The following NRP1 variants were observed in gnomAD, a reference collection of about 807,000 sequenced individuals.
The protein encoded by NRP1 is neuropilin-1.
A neutral mutation model predicts 106.7 loss-of-function variants in NRP1; 35 were observed. That is an observed-to-expected ratio of 0.33 (90% CI 0.25 to 0.43). NRP1 has a LOEUF of 0.43. NRP1 is among the 20% of genes least tolerant of loss of function. The pLI is 1.00. For synonymous variants in NRP1, 437 were observed against 417.9 expected (o/e 1.05, Z -0.56); for missense variants, 1,024 against 1,170.4 (o/e 0.87, Z 1.83).
At chr10:33,286,765 T>C (rs1844595586) in intron 2 of NRP1, among the ~76,000 whole-genome samples, 1 of 152,188 alleles carries the variant, frequency 6.6e-6, no homozygotes, top group Non-Finnish European at 1.5e-5. Context: ...ACTATTTTTA[T>C]AGCTGTTTAG....
intron 2 of NRP1, among the ~76,000 whole-genome samples, chr10:33,317,634 T>C (rs2132847013): frequency 6.6e-6 from 1 of 152,356 alleles, no homozygotes; most frequent in Admixed American, 6.5e-5. Flanking sequence ...TATTTATGTA[T>C]GGGTTGGCTT....
intron 13 of NRP1, among the ~76,000 whole-genome samples, chr10:33,189,282 A>G (rs1480581183): frequency 1.3e-5 from 2 of 152,088 alleles, no homozygotes; most frequent in South Asian, 2.1e-4. Flanking sequence ...AGTCATGCAC[A>G]CTCTGCCTCT....
Position 33,270,802 on chromosome 10 carries a change from T to G in NRP1, c.303A>C (p.Gly101=). The change falls in exon 3 of 17, where the codon GGA becomes GGC. Residue 101 remains glycine, a synonymous_variant. Transcript: ENST00000374867. The stretch of plus-strand genomic sequence containing the variant: ...GAGGGGCTATCTTTCCACAGAACTT[T>G]CCCCTAAAATGTCCATTTTCATTTT... The part of the protein sequence containing the change: ...DGENENGHFR[G]KFCGKIAPPP... 1 of 1,613,706 alleles carries G rather than the reference T, an allele frequency of 6.2e-7. No homozygotes were observed. Among genetic ancestry groups the G allele is most frequent in the Non-Finnish European group, 8.5e-7 (1 of 1,179,850 alleles).
intron 2 of NRP1, among the ~76,000 whole-genome samples, chr10:33,279,847 G>A (rs1290379396): frequency 6.6e-6 from 1 of 152,148 alleles, no homozygotes; most frequent in Non-Finnish European, 1.5e-5. Context: ...AAAGCCAAGG[G>A]CAGGACTGGG....
At chr10:33,221,928 T>G in intron 7 of NRP1, 65 bp from the exon 8 acceptor site, 1 of 1,523,570 alleles carries the variant, frequency 6.6e-7, no homozygotes, top group Non-Finnish European at 9.0e-7. Flanking sequence ...TAAATGTGTT[T>G]TCACAAATGG....
rs1190375367 is a variant in NRP1 at position 33,267,861 on chromosome 10, G to A, written c.430+2814C>T. Among the ~76,000 whole-genome samples the A allele has an allele frequency of 2.0e-5, 3 of 152,202 alleles. No individual in the cohort carries two copies. The South Asian group carries it at 6.2e-4, about 32-fold the overall frequency. ...GGCTCCAGGAAGGCAGGAAGAAGCG[G>A]GGCTGGCCTTGTTGACTGTCAGGCA... is the stretch of plus-strand genomic sequence containing the variant. On this transcript the variant is annotated intron_variant, in intron 3 of 16. Coordinates refer to ENST00000374867, the MANE Select transcript of NRP1 (RefSeq NM_003873.7).
At chr10:33,271,628 G>A (rs942886218) in intron 2 of NRP1, among the ~76,000 whole-genome samples, 2 of 152,216 alleles carry the variant, frequency 1.3e-5, no homozygotes, top group African/African-American at 4.8e-5. Context: ...AAAGTGATGA[G>A]ATTTAAAATT....
chr10:33,240,100 G>T (rs2269091), intron 6 of NRP1, among the ~76,000 whole-genome samples: 34,505 of 152,030 alleles, frequency 0.23, 4,090 homozygotes, highest in Admixed American at 0.29. Flanking sequence ...CTGAGAAGCA[G>T]CCTCACAAAA....
Position 33,270,755 on chromosome 10 carries a change from G to A in NRP1, c.350C>T (p.Pro117Leu), listed in dbSNP as rs780182320. 6.2e-7 allele frequency: 1 copy of A among 1,613,650 alleles called. No individual in the cohort carries two copies. Among genetic ancestry groups the A allele is most frequent in the African/African-American group, 1.3e-5 (1 of 74,860 alleles). The change falls in exon 3 of 17, where the codon CCA (proline) becomes CTA (leucine). Residue 117 changes from proline to leucine, a missense_variant. Coordinates refer to ENST00000374867, the MANE Select transcript of NRP1 (RefSeq NM_003873.7). ...IAPPPVVSSG[P>L]FLFIKFVSDY... Reference sequence around the variant, plus strand: ...AGAGACAAATTTGATAAAAAGAAATGGCCCTGAAGACACAACAGGAGGAGG... The same window carrying A: ...AGAGACAAATTTGATAAAAAGAAATAGCCCTGAAGACACAACAGGAGGAGG...
intron 8 of NRP1, among the ~76,000 whole-genome samples, chr10:33,221,000 G>A (rs867621040): frequency 6.6e-6 from 1 of 152,056 alleles, no homozygotes; most frequent in Non-Finnish European, 1.5e-5. Flanking sequence ...GGAGGCCGAG[G>A]TGGGAGGATA....
chr10:33,220,572 A>G (rs887334845), intron 8 of NRP1, among the ~76,000 whole-genome samples: 3 of 152,208 alleles, frequency 2.0e-5, no homozygotes, highest in Admixed American at 6.5e-5. Flanking sequence ...ACTGCTATAT[A>G]CTGCAGAATA....
chr10:33,233,073 C>T (rs758570600), intron 6 of NRP1, among the ~76,000 whole-genome samples: 2 of 152,136 alleles, frequency 1.3e-5, no homozygotes, highest in Non-Finnish European at 2.9e-5. Flanking sequence ...GGAAAGTCTA[C>T]CCACAACTTA....
Position 33,185,719 on chromosome 10 carries a change from A to G in NRP1, c.2340T>C (p.Ile780=). 1.2e-6 allele frequency: 2 copies of G among 1,613,378 alleles called. No individual in the cohort carries two copies. Among genetic ancestry groups the G allele is most frequent in the Non-Finnish European group, 1.7e-6 (2 of 1,179,280 alleles). The change falls in exon 15 of 17, where the codon ATT becomes ATC. Residue 780 remains isoleucine, a synonymous_variant. Transcript: ENST00000374867. The part of the protein sequence containing the change: ...LHKSLKLYQV[I]FEGEIGKGNL... ...TTCCTTTTCCGATTTCGCCCTCGAA[A>G]ATCACCTAACAAAATAAGATCATTT...
rs1201320090 is a variant in NRP1, at chr10:33,298,684, G to A, written c.249-27828C>T. ...CTAAGCCCTTGTTCTGCCATTTCAA[G>A]TTATGTATTCTTAGGCAGATCTTTT... On this transcript the variant is annotated intron_variant, in intron 2 of 16. Coordinates refer to ENST00000374867, the MANE Select transcript of NRP1 (RefSeq NM_003873.7). Among the ~76,000 whole-genome samples the A allele has an allele frequency of 3.3e-5, 5 of 152,134 alleles. No individual in the cohort carries two copies. The South Asian group carries it at 6.2e-4, about 19-fold the overall frequency.
At chr10:33,224,757 C>T (rs2132927527) in intron 7 of NRP1, among the ~76,000 whole-genome samples, 2 of 152,138 alleles carry the variant, frequency 1.3e-5, no homozygotes, top group East Asian at 3.9e-4. Context: ...GTGTGTTGTT[C>T]CCTGCAATGC....
intron 13 of NRP1, among the ~76,000 whole-genome samples, chr10:33,186,763 C>T (rs1435748213): frequency 6.6e-6 from 1 of 152,198 alleles, no homozygotes; most frequent in Non-Finnish European, 1.5e-5. Context: ...TGGACACATG[C>T]TATGCCTCAA....
At chr10:33,294,096 T>A (rs1845200935) in intron 2 of NRP1, among the ~76,000 whole-genome samples, 1 of 152,238 alleles carries the variant, frequency 6.6e-6, no homozygotes, top group African/African-American at 2.4e-5. Context: ...TCAGTGTGAT[T>A]CCTTCCAAAT....
intron 4 of NRP1, among the ~76,000 whole-genome samples, chr10:33,259,700 C>T (rs1346825140): frequency 6.6e-6 from 1 of 152,174 alleles, no homozygotes. Context: ...AAAGATATGC[C>T]TACAACGGGC....
chr10:33,326,971 T>C (rs1432138780), intron 2 of NRP1, among the ~76,000 whole-genome samples: 2 of 152,156 alleles, frequency 1.3e-5, no homozygotes, highest in Non-Finnish European at 2.9e-5. Flanking sequence ...AAAATTTTTT[T>C]TTTTCTACCA....
Sources: gnomAD v4.1 joint callset for allele counts (sites outside exome capture counted in the v4.1 genomes callset) on GRCh38, gnomAD v4.1.1 for gene constraint, MANE v1.5 for transcripts, NCBI Gene and HGNC (gene_info 2026-07-23, HGNC 2026-07-21) for gene names.